The following TNFRSF12A variants were observed in gnomAD, a reference collection of about 807,000 sequenced individuals.
TNFRSF12A encodes the protein TNF receptor superfamily member 12A, also known as tumor necrosis factor receptor superfamily member 12A.
TNFRSF12A carries 13 observed loss-of-function variants against 15.5 expected under a neutral mutation model. That is an observed-to-expected ratio of 0.84 (90% CI 0.54 to 1.33). The LOEUF (loss-of-function observed/expected upper bound fraction) is 1.33. Ranked by LOEUF, TNFRSF12A falls within the 40% of genes most tolerant of loss-of-function variation. The probability of loss-of-function intolerance (pLI) is 0.00; values close to 1 mark genes in which losing one functional copy is unlikely to be tolerated. For synonymous variants in TNFRSF12A, 89 were observed against 78.4 expected (o/e 1.14, Z -0.71); for missense variants, 174 against 173.6 (o/e 1.00, Z -0.01).
chr16:3,021,525 G>A, intron 2 of TNFRSF12A, 30 bp from the exon 3 acceptor site: 1 of 1,569,490 alleles, frequency 6.4e-7, no homozygotes, highest in Non-Finnish European at 8.6e-7. Flanking sequence ...CTGGAGAGGG[G>A]CGAGGTCTGA....
intron 1 of TNFRSF12A, 176 bp from the exon 2 acceptor site, chr16:3,021,039 G>T: frequency 2.2e-6 from 1 of 462,264 alleles, no homozygotes; most frequent in Non-Finnish European, 3.8e-6. Flanking sequence ...CCAGCGTCCC[G>T]CGCTACGCCC....
In TNFRSF12A at chr16:3,021,812, G is replaced by A. The variant is rs1289757959; in HGVS notation, c.376G>A (p.Ala126Thr). ...CGGCGGAGAGGGCTGCCCAGCTGTGGCGCTGATCCAGTGACAATGTGCCCC... is the reference window on the plus strand; with the variant it reads ...CGGCGGAGAGGGCTGCCCAGCTGTGACGCTGATCCAGTGACAATGTGCCCC... ...ETGGEGCPAVALIQ is the reference protein window; with the variant it reads ...ETGGEGCPAVTLIQ Residue 126 changes from alanine (A) to threonine (T), a missense_variant, in exon 4 of 4, where the codon GCG (alanine) becomes ACG (threonine). Transcript: ENST00000326577. 1 of 1,613,116 alleles carries A rather than the reference G, an allele frequency of 6.2e-7. No individual in the cohort carries two copies. Among genetic ancestry groups the A allele is most frequent in the Non-Finnish European group, 8.5e-7 (1 of 1,179,758 alleles).
chr16:3,021,757 C>T lies in TNFRSF12A; in HGVS notation c.335-14C>T, dbSNP rs1411608971. The T allele has an allele frequency of 6.2e-7, 1 of 1,612,006 alleles. No individual in the cohort carries two copies. Among genetic ancestry groups the T allele is most frequent in the Non-Finnish European group, 8.5e-7 (1 of 1,178,812 alleles). On this transcript the variant is annotated splice_polypyrimidine_tract_variant and intron_variant, in intron 3 of 3. Transcript: ENST00000326577. ...TTTTCTCTGCTGCTGACGACCCCACCTCTTATCTTGCAGCCCCCATAGAGG... is the reference window on the plus strand; with the variant it reads ...TTTTCTCTGCTGCTGACGACCCCACTTCTTATCTTGCAGCCCCCATAGAGG...
At chr16:3,021,500 G>C (rs954874905) in intron 2 of TNFRSF12A, 55 bp from the exon 3 acceptor site, 2 of 1,518,972 alleles carry the variant, frequency 1.3e-6, no homozygotes, top group Non-Finnish European at 1.8e-6. Flanking sequence ...CTCAGTCTTA[G>C]GGGGCGGGGC....
chr16:3,021,245 G>A lies in TNFRSF12A; in HGVS notation c.125G>A (p.Trp42Ter), dbSNP rs199793810. Reference sequence around the variant, plus strand: ...GCCCCCTGCTCCCGCGGCAGCTCCTGGAGCGCGGACCTGGACAAGTGCATG... The same window carrying A: ...GCCCCCTGCTCCCGCGGCAGCTCCTAGAGCGCGGACCTGGACAAGTGCATG... ...GTAPCSRGSS[W>*]SADLDKCMDC... The change falls in exon 2 of 4, where the codon TGG becomes TAG. Residue 42 changes from tryptophan to a stop codon, truncating the protein, a stop_gained. Transcript: ENST00000326577. LOFTEE classifies it high-confidence loss of function. The A allele has an allele frequency of 2.4e-5, 38 of 1,586,928 alleles. No homozygotes were observed. Among genetic ancestry groups the A allele is most frequent in the Non-Finnish European group, 2.9e-5 (34 of 1,172,928 alleles).
Position 3,021,252 on chromosome 16 carries a change from G to T in TNFRSF12A, c.132G>T (p.Ala44=). 1.3e-6 allele frequency: 2 copies of T among 1,588,788 alleles called. No homozygotes were observed. Residue 44 remains alanine (A), a synonymous_variant, in exon 2 of 4, where the codon GCG becomes GCT. Coordinates refer to ENST00000326577, the MANE Select transcript of TNFRSF12A (RefSeq NM_016639.3). ...GCTCCCGCGGCAGCTCCTGGAGCGC[G>T]GACCTGGACAAGTGCATGGACTGCG... ...APCSRGSSWS[A]DLDKCMDCAS...
intron 1 of TNFRSF12A, chr16:3,020,940 G>C (rs947471649): frequency 3.4e-5 from 16 of 471,936 alleles, no homozygotes; most frequent in Non-Finnish European, 4.8e-5. Context: ...CCAGCTATGC[G>C]GGGGGAGGGA....
In TNFRSF12A at chr16:3,021,957, C is replaced by A; in HGVS notation, c.*131C>A. The A allele has an allele frequency of 2.0e-6, 2 of 1,023,576 alleles. No individual in the cohort carries two copies. Among genetic ancestry groups the A allele is most frequent in the Non-Finnish European group, 2.8e-6 (2 of 704,580 alleles). The allele number at this position is 1,023,576 out of a possible 1,614,324, so 63.4% of individuals were successfully genotyped here. On this transcript the variant is annotated 3_prime_UTR_variant, in exon 4 of 4. Transcript: ENST00000326577. ...ACAAGGGGGGTGGGGGGCGGTGAAT[C>A]ACCTCTGAGGCCTGGGCCCAGGGTT...
intron 1 of TNFRSF12A, 183 bp downstream of exon 1, chr16:3,020,674 G>A (rs2072601439): frequency 2.4e-6 from 1 of 412,958 alleles, no homozygotes; most frequent in Non-Finnish European, 4.2e-6. Context: ...TTCACAATCC[G>A]GGCCTCAGTT....
In TNFRSF12A at chr16:3,021,196, C is replaced by T. The variant is rs992756083; in HGVS notation, c.95-19C>T. ...GCCGAGTCCCGCCCCCAGCCTCTGA[C>T]CCGAGGCCCCCTCCCCAGGCACCGC... On this transcript the variant is annotated intron_variant, in intron 1 of 3. Coordinates refer to ENST00000326577, the MANE Select transcript of TNFRSF12A (RefSeq NM_016639.3). The T allele has an allele frequency of 7.0e-7, 1 of 1,425,920 alleles. No homozygotes were observed. Among genetic ancestry groups the T allele is most frequent in the South Asian group, 1.3e-5 (1 of 79,202 alleles). The allele number at this position is 1,425,920 out of a possible 1,614,324, so 88.3% of individuals were successfully genotyped here.
In TNFRSF12A at chr16:3,021,706, C is replaced by T. The variant is rs1270850537; in HGVS notation, c.334+17C>T. 5.0e-6 allele frequency: 8 copies of T among 1,611,940 alleles called. No homozygotes were observed. In the South Asian group the frequency reaches 7.7e-5, roughly 16 times the overall value. On this transcript the variant is annotated intron_variant, in intron 3 of 3. Transcript: ENST00000326577. Reference sequence around the variant, plus strand: ...AGTTCACCAGTAAGTGTGCCCTGGCCTGCCCAGCCCTGTCAGCACTCGACC... The same window carrying T: ...AGTTCACCAGTAAGTGTGCCCTGGCTTGCCCAGCCCTGTCAGCACTCGACC...
Position 3,021,633 on chromosome 16 carries a change from G to C in TNFRSF12A, c.278G>C (p.Gly93Ala), listed in dbSNP as rs199603705. Residue 93 changes from glycine to alanine, a missense_variant, in exon 3 of 4, where the codon GGG becomes GCG. By Grantham distance (60) the Gly-to-Ala change is moderately conservative (BLOSUM62 0). Transcript: ENST00000326577. ...GGALSLTFVL[G>A]LLSGFLVWRR... ...GCTCTGAGCCTGACCTTCGTGCTGG[G>C]GCTGCTTTCTGGCTTTTTGGTCTGG... The C allele has an allele frequency of 7.6e-5, 123 of 1,613,758 alleles. No homozygotes were observed. The highest frequency in any genetic ancestry group is 9.9e-5 in the Non-Finnish European group (117 of 1,180,004).
intron 1 of TNFRSF12A, 139 bp downstream of exon 1, chr16:3,020,630 G>A (rs921308986): frequency 4.0e-6 from 2 of 500,220 alleles, no homozygotes. Flanking sequence ...GCTCGCTCCC[G>A]GCTGTGGGAA....
Position 3,022,060 on chromosome 16 carries a change from A to G in TNFRSF12A, c.*234A>G. The G allele has an allele frequency of 1.8e-6, 1 of 549,480 alleles. No individual in the cohort carries two copies. Among genetic ancestry groups the G allele is most frequent in the Non-Finnish European group, 3.2e-6 (1 of 311,768 alleles). 34.0% of individuals were successfully genotyped at this position (549,480 alleles called of 1,614,324 possible). ...AAGGGAGCCTCACGCTGGCTCACAC[A>G]AAACAGCTGACACTGACTAAGGAAC... is the stretch of plus-strand genomic sequence containing the variant. On this transcript the variant is annotated 3_prime_UTR_variant, in exon 4 of 4. Coordinates refer to ENST00000326577, the MANE Select transcript of TNFRSF12A (RefSeq NM_016639.3).
rs756721012 is a variant in TNFRSF12A at position 3,020,419 on chromosome 16, C to T, written c.22C>T (p.Arg8Trp). MARGSLRRLLRLLVLGLW... is the reference protein window; with the variant it reads MARGSLRWLLRLLVLGLW... ...CACTATGGCTCGGGGCTCGCTGCGCCGGTTGCTGCGGCTCCTCGTGCTGGG... is the reference window on the plus strand; with the variant it reads ...CACTATGGCTCGGGGCTCGCTGCGCTGGTTGCTGCGGCTCCTCGTGCTGGG... Residue 8 changes from arginine to tryptophan, a missense_variant, in exon 1 of 4, where the codon CGG becomes TGG. Arg to Trp is a moderately radical substitution (Grantham distance 101). Transcript: ENST00000326577. 4.6e-6 allele frequency: 6 copies of T among 1,291,244 alleles called. No homozygotes were observed. Among genetic ancestry groups the T allele is most frequent in the Non-Finnish European group, 4.9e-6 (5 of 1,019,018 alleles). 80.0% of individuals were successfully genotyped at this position (1,291,244 alleles called of 1,614,324 possible).
chr16:3,021,505 C>T (rs201667754), intron 2 of TNFRSF12A, 50 bp from the exon 3 acceptor site: 4 of 1,522,132 alleles, frequency 2.6e-6, no homozygotes, highest in Admixed American at 4.2e-5. Flanking sequence ...TCTTAGGGGG[C>T]GGGGCTGGCC....
intron 2 of TNFRSF12A, 38 bp downstream of exon 2, chr16:3,021,357 G>C (rs1441385480): frequency 1.3e-6 from 2 of 1,502,088 alleles, no homozygotes; most frequent in Non-Finnish European, 8.9e-7. Flanking sequence ...GCGGACCCCA[G>C]ACTGGGAGGG....
At position 3,021,294 on chromosome 16, in the gene TNFRSF12A, A is replaced by G; in HGVS notation, c.174A>G (p.Arg58=). The change falls in exon 2 of 4, where the codon CGA becomes CGG. Residue 58 remains arginine (R), a synonymous_variant. Coordinates refer to ENST00000326577, the MANE Select transcript of TNFRSF12A (RefSeq NM_016639.3). ...KCMDCASCRA[R]PHSDFCLGCA... The stretch of plus-strand genomic sequence containing the variant: ...TGGACTGCGCGTCTTGCAGGGCGCG[A>G]CCGCACAGCGACTTCTGCCTGGGCT... The G allele has an allele frequency of 6.3e-7, 1 of 1,586,680 alleles. No individual in the cohort carries two copies.
At position 3,022,216 on chromosome 16, in the gene TNFRSF12A, C is replaced by G. The variant is rs770624108; in HGVS notation, c.*390C>G. On this transcript the variant is annotated 3_prime_UTR_variant, in exon 4 of 4. Coordinates refer to ENST00000326577, the MANE Select transcript of TNFRSF12A (RefSeq NM_016639.3). ...CCTGAAATTCCACCACGGGGGTCAC[C>G]CTGGGGGGTTAGGGACCTATTTTTA... The G allele has an allele frequency of 2.3e-5, 9 of 391,668 alleles. No homozygotes were observed. The highest frequency in any genetic ancestry group is 3.6e-5 in the Non-Finnish European group (8 of 221,324). 24.3% of individuals were successfully genotyped at this position (391,668 alleles called of 1,614,324 possible).
Sources: allele counts gnomAD v4.1 joint callset, GRCh38; gene constraint gnomAD v4.1.1; transcripts MANE v1.5; gene names NCBI Gene and HGNC (gene_info 2026-07-23, HGNC 2026-07-21).